The following KIF20B variants were observed in gnomAD, a reference collection of about 807,000 sequenced individuals.
The protein encoded by KIF20B is kinesin-like protein KIF20B.
KIF20B carries 188 observed loss-of-function variants against 232.5 expected under a neutral mutation model. The ratio of observed to expected loss-of-function variants is 0.81; its 90% CI spans 0.72 to 0.91. The LOEUF is 0.91. Ranked by LOEUF, KIF20B falls within the 40% of genes least tolerant of loss-of-function variation. The pLI, the probability that KIF20B is intolerant of heterozygous loss-of-function variation, is 0.00. For synonymous variants in KIF20B, 712 were observed against 683.0 expected, an observed-to-expected ratio of 1.04 and a Z score of -0.66; for missense variants, 2,154 against 2,055.9, an observed-to-expected ratio of 1.05 and a Z score of -0.92.
At chr10:89,752,507 T>C in intron 24 of KIF20B, 60 bp from the exon 25 acceptor site, 1 of 1,283,380 alleles carries the variant, frequency 7.8e-7, no homozygotes, top group Middle Eastern at 2.0e-4. Context: ...GTCAAGTGTA[T>C]CTCTACATGG....
chr10:89,725,824 G>T (rs910361202), intron 15 of KIF20B, among the ~76,000 whole-genome samples: 3 of 150,994 alleles, frequency 2.0e-5, no homozygotes, highest in African/African-American at 7.3e-5. Context: ...GGGGGAGTTG[G>T]TTTTTTTTTG....
At chr10:89,717,277 T>C (rs2133095124) in intron 9 of KIF20B, 147 bp from the exon 10 acceptor site, 2 of 570,544 alleles carry the variant, frequency 3.5e-6, no homozygotes, top group East Asian at 5.7e-5. Context: ...GAACACTGGC[T>C]TGAAATATTT....
chr10:89,739,252 T>C (rs1841740775), intron 21 of KIF20B, among the ~76,000 whole-genome samples, 156 bp downstream of exon 21: 1 of 152,174 alleles, frequency 6.6e-6, no homozygotes, highest in African/African-American at 2.4e-5. Flanking sequence ...AGAGAAAATT[T>C]AGCTGATTTA....
Position 89,758,794 on chromosome 10 carries a change from T to TAA in KIF20B, c.4593_4594insAA (p.Gln1532AsnfsTer3). ...GATCAACTGGTTGCAGCTTTAGAAA[T>TAA]ACAGCTAAAAGCACTGATATCCAGT... On this transcript the variant is annotated frameshift_variant, in exon 27 of 33. Coordinates refer to ENST00000371728, the MANE Select transcript of KIF20B (RefSeq NM_001284259.2). LOFTEE classifies it high-confidence loss of function. The TAA allele has an allele frequency of 6.2e-7, 1 of 1,608,312 alleles. No homozygotes were observed. Among genetic ancestry groups the TAA allele is most frequent in the South Asian group, 1.1e-5 (1 of 90,230 alleles).
chr10:89,725,045 A>C lies in KIF20B; in HGVS notation c.1888A>C (p.Ile630Leu), dbSNP rs768120334. The change falls in exon 15 of 33, where the codon ATA becomes CTA. Residue 630 changes from isoleucine to leucine, a missense_variant. Ile to Leu is a conservative substitution (Grantham distance 5). Coordinates refer to ENST00000371728, the MANE Select transcript of KIF20B (RefSeq NM_001284259.2). ...FKETLLQERE[I>L]LEENAERRLA... ...GGAGACTCTGCTTCAAGAACGAGAG[A>C]TATTAGAAGAAAATGCTGAACGTCG... is the stretch of plus-strand genomic sequence containing the variant. The C allele has an allele frequency of 6.2e-7, 1 of 1,613,744 alleles. No homozygotes were observed. Among genetic ancestry groups the C allele is most frequent in the African/African-American group, 1.3e-5 (1 of 75,036 alleles).
chr10:89,768,626 T>G, intron 30 of KIF20B, 112 bp from the exon 31 acceptor site: 3 of 1,060,024 alleles, frequency 2.8e-6, no homozygotes, highest in Non-Finnish European at 4.0e-6. Flanking sequence ...ACTTAAAGTT[T>G]CCTACCTGAG....
rs749629108 is a variant in KIF20B at position 89,773,957 on chromosome 10, AT to A, written c.5386-9del. On this transcript the variant is annotated splice_polypyrimidine_tract_variant and intron_variant, in intron 32 of 32. Coordinates refer to ENST00000371728, the MANE Select transcript of KIF20B (RefSeq NM_001284259.2). The stretch of plus-strand genomic sequence containing the variant: ...CTTACAAGCTTTGAAAAACTATGAA[AT>A]TTTTAATTTCAGATTTTAATGGACC... The A allele has an allele frequency of 1.3e-6, 2 of 1,502,992 alleles. No individual in the cohort carries two copies. The highest frequency in any genetic ancestry group is 1.8e-6 in the Non-Finnish European group (2 of 1,106,912). The allele number at this position is 1,502,992 out of a possible 1,614,324, so 93.1% of individuals were successfully genotyped here.
rs1252446129 is a variant in KIF20B, at chr10:89,746,101, TG to T, written c.4096+143del. The T allele has an allele frequency of 7.8e-6, 5 of 641,000 alleles. No homozygotes were observed. In the African/African-American group the frequency reaches 9.1e-5, roughly 12 times the overall value. The allele number at this position is 641,000 out of a possible 1,614,324, so 39.7% of individuals were successfully genotyped here. A position where few individuals can be genotyped will look rare whatever the true frequency, so the allele number is the denominator to read the frequency against. On this transcript the variant is annotated intron_variant, in intron 23 of 32. Transcript: ENST00000371728. ...AGCATGCAGACGGGCAGGTCTTGAGTGTGGGCTCTGACCCTGTGGCAGCATC... is the reference window on the plus strand; with the variant it reads ...AGCATGCAGACGGGCAGGTCTTGAGTTGGGCTCTGACCCTGTGGCAGCATC...
Position 89,718,763 on chromosome 10 carries a change from G to GT in KIF20B, c.1332dup (p.Asn445Ter). ...AGTAAACTGACTCACTATTTTCAAAGTTTTTTTAATGGTAAAGGGAAAATT... is the reference window on the plus strand; with the variant it reads ...AGTAAACTGACTCACTATTTTCAAAGTTTTTTTTAATGGTAAAGGGAAAATT... On this transcript the variant is annotated frameshift_variant, in exon 12 of 33. Coordinates refer to ENST00000371728, the MANE Select transcript of KIF20B (RefSeq NM_001284259.2). LOFTEE classifies it high-confidence loss of function. 1.9e-6 allele frequency: 3 copies of GT among 1,611,458 alleles called. No individual in the cohort carries two copies. In the South Asian group the frequency reaches 3.3e-5, roughly 18 times the overall value.
chr10:89,738,761 AAC>A, intron 20 of KIF20B, 144 bp downstream of exon 20: 1 of 1,207,456 alleles, frequency 8.3e-7, no homozygotes, highest in Non-Finnish European at 1.1e-6. Flanking sequence ...TGTCCATATA[AAC>A]CTTTGGACCA....
intron 15 of KIF20B, 61 bp from the exon 16 acceptor site, chr10:89,726,232 A>C (rs1186514417): frequency 1.4e-6 from 2 of 1,421,474 alleles, no homozygotes; most frequent in Non-Finnish European, 1.8e-6. Flanking sequence ...ATTAGATGGT[A>C]CCACATGTAA....
intron 29 of KIF20B, among the ~76,000 whole-genome samples, 153 bp from the exon 30 acceptor site, chr10:89,768,137 A>G (rs548852932): frequency 1.1e-4 from 16 of 152,176 alleles, no homozygotes; most frequent in African/African-American, 3.6e-4. Flanking sequence ...AATATCTTCA[A>G]ACATTGCCAT....
At chr10:89,729,558 A>G (rs1843273270) in intron 18 of KIF20B, among the ~76,000 whole-genome samples, 1 of 152,230 alleles carries the variant, frequency 6.6e-6, no homozygotes, top group Non-Finnish European at 1.5e-5. Context: ...TTGAGGAGAA[A>G]GGAATTTAGG....
intron 29 of KIF20B, among the ~76,000 whole-genome samples, chr10:89,766,684 A>G (rs1484574904): frequency 1.3e-5 from 2 of 152,106 alleles, no homozygotes; most frequent in Non-Finnish European, 2.9e-5. Flanking sequence ...GAAGAGTAGT[A>G]TATTTTCAAG....
At chr10:89,711,521 A>G (rs1458686637) in intron 6 of KIF20B, among the ~76,000 whole-genome samples, 5 of 152,104 alleles carry the variant, frequency 3.3e-5, no homozygotes, top group Non-Finnish European at 7.4e-5. Flanking sequence ...TTTCATTCCT[A>G]AAGAAAAAAT....
chr10:89,732,215 C>T (rs1489762697), intron 18 of KIF20B, among the ~76,000 whole-genome samples: 1 of 151,922 alleles, frequency 6.6e-6, no homozygotes, highest in Non-Finnish European at 1.5e-5. Context: ...CAGCCTTGAA[C>T]TGCTGGGCTC....
chr10:89,716,450 CA>C lies in KIF20B; in HGVS notation c.957del (p.Val320TyrfsTer11). The C allele has an allele frequency of 6.7e-7, 1 of 1,484,232 alleles. No homozygotes were observed. The highest frequency in any genetic ancestry group is 1.2e-5 in the South Asian group (1 of 83,564). The allele number at this position is 1,484,232 out of a possible 1,614,324, so 91.9% of individuals were successfully genotyped here. On this transcript the variant is annotated frameshift_variant, in exon 9 of 33. Transcript: ENST00000371728. LOFTEE classifies it high-confidence loss of function. Reference sequence around the variant, plus strand: ...ATTTTTTAAAGATCTACAATGGATTCAAGTATCTGATTCCAAAGAAGCCTAT... The same window carrying C: ...ATTTTTTAAAGATCTACAATGGATTCAGTATCTGATTCCAAAGAAGCCTAT... ...YSFIKDLQWI[Q>X]VSDSKEAYRL...
chr10:89,707,305 T>C (rs1481464926), intron 2 of KIF20B, among the ~76,000 whole-genome samples: 6 of 152,150 alleles, frequency 3.9e-5, no homozygotes, highest in African/African-American at 1.2e-4. Flanking sequence ...CTCAAAAGTT[T>C]CCTTGAGGCT....
At position 89,773,966 on chromosome 10, in the gene KIF20B, T is replaced by G; in HGVS notation, c.5386-5T>G. On this transcript the variant is annotated splice_polypyrimidine_tract_variant and splice_region_variant and intron_variant, in intron 32 of 32. Transcript: ENST00000371728. ...TTTGAAAAACTATGAAATTTTTAAT[T>G]TCAGATTTTAATGGACCAGAAAATG... The G allele has an allele frequency of 6.5e-7, 1 of 1,535,922 alleles. No homozygotes were observed. The highest frequency in any genetic ancestry group is 2.3e-5 in the East Asian group (1 of 43,678).
Sources: gnomAD v4.1 joint callset for allele counts (sites outside exome capture counted in the v4.1 genomes callset) on GRCh38, gnomAD v4.1.1 for gene constraint, MANE v1.5 for transcripts, NCBI Gene and HGNC (gene_info 2026-07-23, HGNC 2026-07-21) for gene names.